The following NALCN variants were observed in gnomAD, a reference collection of about 807,000 sequenced individuals.
The protein encoded by NALCN is sodium leak channel NALCN.
In NALCN, 111 loss-of-function variants were observed where a neutral mutation model predicts 225.3. That is an observed-to-expected ratio of 0.49 (90% CI 0.42 to 0.58). The LOEUF (loss-of-function observed/expected upper bound fraction) is 0.58. NALCN is among the 20% of genes least tolerant of loss of function. The pLI is 0.00. For synonymous variants in NALCN, 764 were observed against 769.0 expected, an observed-to-expected ratio of 0.99 and a Z score of 0.11; for missense variants, 1,378 against 2,202.4, an observed-to-expected ratio of 0.63 and a Z score of 7.49.
chr13:101,152,329 AG>A (rs2037691727), intron 15 of NALCN, among the ~76,000 whole-genome samples: 2 of 152,168 alleles, frequency 1.3e-5, no homozygotes, highest in Non-Finnish European at 2.9e-5. Flanking sequence ...CTGTTTTCGG[AG>A]GGGCGGATGC....
chr13:101,116,855 ATG>A (rs1469751470), intron 18 of NALCN: 2 of 446,226 alleles, frequency 4.5e-6, no homozygotes, highest in Non-Finnish European at 9.0e-6. Flanking sequence ...AGTGGTAATT[ATG>A]TAAAACTATG....
At chr13:101,119,919 T>C (rs1594245846) in intron 18 of NALCN, among the ~76,000 whole-genome samples, 2 of 152,134 alleles carry the variant, frequency 1.3e-5, no homozygotes, top group East Asian at 1.9e-4. Flanking sequence ...TCTGTAAAAA[T>C]GGCCCACTTT....
intron 10 of NALCN, among the ~76,000 whole-genome samples, chr13:101,260,919 A>AT (rs1218313472): frequency 1.3e-5 from 2 of 152,124 alleles, no homozygotes; most frequent in Non-Finnish European, 2.9e-5. Flanking sequence ...GCCGGTGCTT[A>AT]TGGGGGTATT....
At chr13:101,237,710 GAAAT>G in intron 12 of NALCN, 41 bp downstream of exon 12, 1 of 1,344,050 alleles carries the variant, frequency 7.4e-7, no homozygotes, top group Non-Finnish European at 1.0e-6. Flanking sequence ...ATTTACTCTG[GAAAT>G]AAATAAATTT....
chr13:101,249,578 T>C (rs573369875), intron 11 of NALCN, among the ~76,000 whole-genome samples: 11 of 152,280 alleles, frequency 7.2e-5, no homozygotes, highest in African/African-American at 2.4e-4. Context: ...ATCAAGTGTT[T>C]CAGGAATCTA....
chr13:101,083,554 C>T (rs1306831251), intron 31 of NALCN, among the ~76,000 whole-genome samples, 157 bp downstream of exon 31: 1 of 152,050 alleles, frequency 6.6e-6, no homozygotes, highest in Non-Finnish European at 1.5e-5. Flanking sequence ...TTTTAATAGC[C>T]TTATGGAGAG....
Position 101,345,351 on chromosome 13 carries a change from C to T in NALCN, c.714G>A (p.Gln238=), listed in dbSNP as rs1425658012. 3.7e-6 allele frequency: 6 copies of T among 1,613,812 alleles called. No individual in the cohort carries two copies. Among genetic ancestry groups the T allele is most frequent in the Non-Finnish European group, 5.1e-6 (6 of 1,179,814 alleles). Residue 238 remains glutamine (Q), a synonymous_variant, in exon 7 of 44, where the codon CAG becomes CAA. Transcript: ENST00000251127. ...HCSPELEEGY[Q]CPPGFKCMDL... is the part of the protein sequence containing the mutation. Reference sequence around the variant, plus strand: ...CCATGCATTTAAATCCAGGTGGGCACTGGTAGCCTTCTTCTAGCTCTGGTG... The same window carrying T: ...CCATGCATTTAAATCCAGGTGGGCATTGGTAGCCTTCTTCTAGCTCTGGTG...
chr13:101,060,096 A>T (rs1015425981), intron 41 of NALCN, 129 bp from the exon 42 acceptor site: 2 of 1,052,044 alleles, frequency 1.9e-6, no homozygotes, highest in East Asian at 5.2e-5. Flanking sequence ...AGGAATTTCC[A>T]AGTAAGGATC....
chr13:101,297,717 T>C (rs1031561253), intron 7 of NALCN, among the ~76,000 whole-genome samples: 1 of 152,214 alleles, frequency 6.6e-6, no homozygotes, highest in Non-Finnish European at 1.5e-5. Context: ...CAGGTGCTTG[T>C]TTTCTTATCT....
chr13:101,212,792 C>G (rs2040574926), intron 13 of NALCN, among the ~76,000 whole-genome samples: 1 of 152,044 alleles, frequency 6.6e-6, no homozygotes, highest in South Asian at 2.1e-4. Flanking sequence ...CTAGATCATG[C>G]TCATTTTAAA....
At chr13:101,349,636 T>A (rs2045848609) in intron 6 of NALCN, among the ~76,000 whole-genome samples, 1 of 130,524 alleles carries the variant, frequency 7.7e-6, no homozygotes, top group Admixed American at 8.5e-5. Flanking sequence ...TAGGCCATTC[T>A]GCTTTTCCAT....
At position 101,086,369 on chromosome 13, in the gene NALCN, T is replaced by C. The variant is rs374375696; in HGVS notation, c.3490-2565A>G. Among the ~76,000 whole-genome samples, 66 of 152,226 alleles carry C rather than the reference T, an allele frequency of 4.3e-4. 2 individuals carry two copies. Among genetic ancestry groups the C allele is most frequent in the African/African-American group, 1.5e-3 (63 of 41,576 alleles). On this transcript the variant is annotated intron_variant, in intron 30 of 43. Coordinates refer to ENST00000251127, the MANE Select transcript of NALCN (RefSeq NM_052867.4). ...TTTACCTATACCTCATTAGTTTTTG[T>C]ATATGACGCTATAAAATGTTTTGTC...
At chr13:101,173,605 T>A (rs576216563) in intron 15 of NALCN, among the ~76,000 whole-genome samples, 1 of 152,142 alleles carries the variant, frequency 6.6e-6, no homozygotes, top group African/African-American at 2.4e-5. Flanking sequence ...ACCATAGCTA[T>A]GAGAATCTAC....
intron 15 of NALCN, among the ~76,000 whole-genome samples, chr13:101,171,750 T>A (rs1462627594): frequency 6.6e-6 from 1 of 152,134 alleles, no homozygotes; most frequent in Non-Finnish European, 1.5e-5. Context: ...GTGATGGGAA[T>A]AAACACACCA....
intron 11 of NALCN, among the ~76,000 whole-genome samples, chr13:101,245,959 T>A (rs2041882848): frequency 6.6e-6 from 1 of 152,184 alleles, no homozygotes; most frequent in South Asian, 2.1e-4. Flanking sequence ...ACCAAGTAGG[T>A]GGCCAATGGG....
intron 7 of NALCN, among the ~76,000 whole-genome samples, chr13:101,334,140 G>A (rs1423925996): frequency 1.3e-5 from 2 of 151,810 alleles, no homozygotes; most frequent in African/African-American, 2.4e-5. Context: ...TCTAATGAAC[G>A]AATCCAGAAC....
intron 15 of NALCN, among the ~76,000 whole-genome samples, chr13:101,167,654 A>G (rs1266259493): frequency 1.3e-5 from 2 of 152,038 alleles, no homozygotes; most frequent in Non-Finnish European, 2.9e-5. Flanking sequence ...CCTGGCCAAC[A>G]TGGTGAAACC....
chr13:101,151,964 A>T (rs147282073), intron 15 of NALCN, among the ~76,000 whole-genome samples: 227 of 152,314 alleles, frequency 1.5e-3, no homozygotes, highest in Non-Finnish European at 2.5e-3. Flanking sequence ...ACAAAAGGCA[A>T]CCAAGTCAAA....
chr13:101,171,928 A>G (rs1050399164), intron 15 of NALCN, among the ~76,000 whole-genome samples: 3 of 152,218 alleles, frequency 2.0e-5, no homozygotes, highest in African/African-American at 4.8e-5. Flanking sequence ...TCAGAACTAT[A>G]GTATTAAGGA....
Sources: gnomAD v4.1 joint callset for allele counts (sites outside exome capture counted in the v4.1 genomes callset) on GRCh38, gnomAD v4.1.1 for gene constraint, MANE v1.5 for transcripts, NCBI Gene and HGNC (gene_info 2026-07-23, HGNC 2026-07-21) for gene names.